LZTS2: variants seen among roughly 807,000 people sequenced by gnomAD.
The protein encoded by LZTS2 is leucine zipper putative tumor suppressor 2.
A neutral mutation model predicts 60.6 loss-of-function variants in LZTS2; 32 were observed. The observed-to-expected ratio is 0.53, with a 90% CI of 0.40 to 0.71. The LOEUF is 0.71. LZTS2 is among the 30% of genes least tolerant of loss of function. LZTS2 has a pLI of 0.00. For synonymous variants in LZTS2, 360 were observed against 393.1 expected, an observed-to-expected ratio of 0.92 and a Z score of 1.00; for missense variants, 792 against 901.9, an observed-to-expected ratio of 0.88 and a Z score of 1.56.
Position 101,002,958 on chromosome 10 carries a change from C to G in LZTS2, c.408+12C>G, listed in dbSNP as rs754605747. On this transcript the variant is annotated intron_variant, in intron 1 of 3. Coordinates refer to ENST00000370220, the Ensembl canonical transcript of LZTS2. The stretch of plus-strand genomic sequence containing the variant: ...GAAAGCTGGAGAAGGTGAGGACCGG[C>G]TCTTCCTTGTGGGCCTGGGTAGAAC... 1 of 1,600,676 alleles carries G rather than the reference C, an allele frequency of 6.2e-7. No individual in the cohort carries two copies. The highest frequency in any genetic ancestry group is 8.5e-7 in the Non-Finnish European group (1 of 1,173,160).
rs559777827 is a variant in LZTS2, at chr10:101,006,226, G to A, written c.1327-259G>A. Among the ~76,000 whole-genome samples the A allele has an allele frequency of 3.5e-4, 54 of 152,254 alleles. 1 individual carries two copies. Among genetic ancestry groups the A allele is most frequent in the Admixed American group, 3.0e-3 (46 of 15,292 alleles). On this transcript the variant is annotated intron_variant, in intron 3 of 3. Transcript: ENST00000370220. Reference sequence around the variant, plus strand: ...CCAGTCCCCAGTCCCCAGTCCCCAGGGCTTGGTGGTACTTGCAGTGTCTTG... The same window carrying A: ...CCAGTCCCCAGTCCCCAGTCCCCAGAGCTTGGTGGTACTTGCAGTGTCTTG...
At chr10:101,000,057 A>AG (rs1188517121) in exon 1 of LZTS2, 1 of 152,182 alleles carries the variant, frequency 6.6e-6, no homozygotes, top group Non-Finnish European at 1.5e-5. Flanking sequence ...ACTTTCTGGA[A>AG]GGGGGGCTGG....
At chr10:101,005,378 G>A (rs554968965) in intron 2 of LZTS2, 80 bp from the exon 4 acceptor site, 51 of 1,458,918 alleles carry the variant, frequency 3.5e-5, no homozygotes, top group East Asian at 2.8e-4. Context: ...CTGAGCCCTC[G>A]GAAGTGGGCT....
exon 1 of LZTS2, chr10:101,001,693 G>A (rs1248329582): frequency 2.6e-5 from 4 of 152,290 alleles, no homozygotes; most frequent in Non-Finnish European, 4.4e-5. Context: ...GCCTCCAGAG[G>A]TGAAGGCAGG....
At chr10:101,005,706 C>T (rs1445094554) in exon 3 of LZTS2, 2 of 1,575,298 alleles carry the variant, frequency 1.3e-6, no homozygotes, top group Admixed American at 1.8e-5. Flanking sequence ...TTGAGGAGAC[C>T]AAGTGGGAGG....
At chr10:101,002,594 C>A in exon 1 of LZTS2, 1 of 1,552,090 alleles carries the variant, frequency 6.4e-7, no homozygotes, top group Admixed American at 1.9e-5. Flanking sequence ...GAAGCTGCCA[C>A]TGCCCCACAA....
At position 101,003,496 on chromosome 10, in the gene LZTS2, C is replaced by T; in HGVS notation, c.409-11C>T. ...AGCTCATCTCCAGTGTCACATGGCA[C>T]CTCATTTCAGAACATGGAGAAGATC... On this transcript the variant is annotated splice_polypyrimidine_tract_variant and intron_variant, in intron 1 of 3. Coordinates refer to ENST00000370220, the Ensembl canonical transcript of LZTS2. 5 of 1,514,404 alleles carry T rather than the reference C, an allele frequency of 3.3e-6. No homozygotes were observed. Among genetic ancestry groups the T allele is most frequent in the South Asian group, 2.7e-5 (2 of 74,886 alleles). 93.8% of individuals were successfully genotyped at this position (1,514,404 alleles called of 1,614,324 possible).
At chr10:101,004,450 T>C (rs1852125534) in intron 2 of LZTS2, among the ~76,000 whole-genome samples, 1 of 152,078 alleles carries the variant, frequency 6.6e-6, no homozygotes, top group South Asian at 2.1e-4. Context: ...CTACTAAAAA[T>C]AAATTAGCTA....
intron 3 of LZTS2, among the ~76,000 whole-genome samples, chr10:101,006,185 C>T (rs1852186272): frequency 6.6e-6 from 1 of 152,248 alleles, no homozygotes; most frequent in Admixed American, 6.5e-5. Context: ...CCCACTCCTG[C>T]AGCACTTGCC....
At chr10:101,003,898 G>A (rs760758877) in exon 2 of LZTS2, 1 of 1,612,736 alleles carries the variant, frequency 6.2e-7, no homozygotes, top group East Asian at 2.2e-5. Context: ...GTCCCTACTG[G>A]GCCCTCCCAC....
At chr10:101,006,371 TA>T (rs112345092) in intron 3 of LZTS2, 113 bp from the exon 5 acceptor site, 1 of 1,449,116 alleles carries the variant, frequency 6.9e-7, no homozygotes, top group African/African-American at 1.4e-5. Flanking sequence ...TCTCCATCTG[TA>T]AAATGGGGAT....
intron 2 of LZTS2, 89 bp downstream of exon 3, chr10:101,004,255 C>T (rs1019398863): frequency 2.4e-5 from 35 of 1,437,982 alleles, no homozygotes; most frequent in Non-Finnish European, 2.9e-5. Context: ...TGGCAGGGAA[C>T]GGGGGTTGGG....
At chr10:101,002,841 C>A (rs117876479) in exon 1 of LZTS2, 2 of 1,613,898 alleles carry the variant, frequency 1.2e-6, no homozygotes, top group African/African-American at 2.7e-5. Context: ...AGTCACCCCC[C>A]AGCCCAAGCA....
chr10:101,005,065 G>A (rs912940180), intron 2 of LZTS2, among the ~76,000 whole-genome samples: 1 of 152,108 alleles, frequency 6.6e-6, no homozygotes, highest in African/African-American at 2.4e-5. Context: ...GAGCAGTGGC[G>A]TGATTTCAGC....
chr10:101,006,366 A>C, intron 3 of LZTS2, 119 bp from the exon 5 acceptor site: 6 of 1,443,260 alleles, frequency 4.2e-6, no homozygotes, highest in Non-Finnish European at 5.5e-6. Flanking sequence ...TAGTGTCTCC[A>C]TCTGTAAAAT....
At position 101,004,001 on chromosome 10, in the gene LZTS2, C is replaced by G. The variant is rs765285232; in HGVS notation, c.903C>G (p.Ser301=). 3 of 1,613,054 alleles carry G rather than the reference C, an allele frequency of 1.9e-6. No homozygotes were observed. The Admixed American group carries it at 5.0e-5, about 27-fold the overall frequency. Residue 301 remains serine (S), a synonymous_variant, in exon 2 of 4, where the codon TCC becomes TCG. Transcript: ENST00000370220. ...TTTTGGGCAGTGGTACTCGGGCCTC[C>G]CCTGACAGCAGCTCCTGTGGGGAGC...
At position 101,007,528 on chromosome 10, in the gene LZTS2, G is replaced by A. The variant is rs142721605; in HGVS notation, c.*360G>A. 543 of 1,334,268 alleles carry A rather than the reference G, an allele frequency of 4.1e-4. 6 individuals are homozygous for A. In the East Asian group the frequency reaches 0.022, roughly 54 times the overall value. The allele number at this position is 1,334,268 out of a possible 1,614,324, so 82.7% of individuals were successfully genotyped here. On this transcript the variant is annotated 3_prime_UTR_variant, in exon 4 of 4. Transcript: ENST00000370220. Reference sequence around the variant, plus strand: ...GCTCCCTCCTCTTCACATTCCCCCCGACCCCAAAGCCAGAGAAAGCCAGAT... The same window carrying A: ...GCTCCCTCCTCTTCACATTCCCCCCAACCCCAAAGCCAGAGAAAGCCAGAT...
chr10:100,998,109 C>G (rs1008340263), upstream of LZTS2, among the ~76,000 whole-genome samples: 1 of 152,192 alleles, frequency 6.6e-6, no homozygotes, highest in Non-Finnish European at 1.5e-5. Flanking sequence ...CTCCTCCCCC[C>G]AGAAAATGCA....
chr10:101,006,027 C>T (rs1259174313), intron 3 of LZTS2, among the ~76,000 whole-genome samples: 1 of 152,232 alleles, frequency 6.6e-6, no homozygotes, highest in African/African-American at 2.4e-5. Context: ...TACCATTAGT[C>T]TCCCCATTTT....
Sources: gnomAD v4.1 joint callset for allele counts (sites outside exome capture counted in the v4.1 genomes callset) on GRCh38, gnomAD v4.1.1 for gene constraint, MANE v1.5 for transcripts, NCBI Gene and HGNC (gene_info 2026-07-23, HGNC 2026-07-21) for gene names.